The following EXOC4 variants were observed in gnomAD, a reference collection of about 807,000 sequenced individuals.
The protein encoded by EXOC4 is SEC8-like 1.
EXOC4 carries 71 observed loss-of-function variants against 107.2 expected under a neutral mutation model. The ratio of observed to expected loss-of-function variants is 0.66; its 90% CI spans 0.55 to 0.81. The LOEUF (loss-of-function observed/expected upper bound fraction) is 0.81. Among genes scored for constraint, EXOC4 ranks in the 30% least tolerant of loss-of-function variants. The pLI is 0.00. For synonymous variants in EXOC4, 456 were observed against 441.2 expected (o/e 1.03, Z -0.42); for missense variants, 1,108 against 1,189.6 (o/e 0.93, Z 1.01).
intron 3 of EXOC4, among the ~76,000 whole-genome samples, chr7:133,298,746 C>T (rs1294776459): frequency 6.6e-6 from 1 of 152,044 alleles, no homozygotes; most frequent in African/African-American, 2.4e-5. Context: ...GCATCAGAAC[C>T]CCTAGAACTA....
intron 11 of EXOC4, among the ~76,000 whole-genome samples, chr7:133,837,009 TA>T (rs1274236109): frequency 1.3e-5 from 2 of 152,180 alleles, no homozygotes; most frequent in African/African-American, 2.4e-5. Context: ...TCCCACCTTT[TA>T]AAGATTTAAT....
At position 133,824,806 on chromosome 7, in the gene EXOC4, A is replaced by G. The variant is rs114094110; in HGVS notation, c.1734+7262A>G. 8.5e-3 allele frequency among the ~76,000 whole-genome samples: 1,294 copies of G among 152,056 alleles called. 17 individuals are homozygous for G. Among genetic ancestry groups the G allele is most frequent in the African/African-American group, 0.03 (1,234 of 41,490 alleles). On this transcript the variant is annotated intron_variant, in intron 11 of 17. Coordinates refer to ENST00000253861, the MANE Select transcript of EXOC4 (RefSeq NM_021807.4). ...CGTGGCGTTCTCCCGTGTGTCTCCTATGTTTTCTTTTCTGGCTCTTGTAAG... is the reference window on the plus strand; with the variant it reads ...CGTGGCGTTCTCCCGTGTGTCTCCTGTGTTTTCTTTTCTGGCTCTTGTAAG...
intron 13 of EXOC4, among the ~76,000 whole-genome samples, chr7:133,928,972 G>A (rs1413647238): frequency 9.0e-6 from 1 of 111,040 alleles, no homozygotes; most frequent in South Asian, 3.2e-4. Flanking sequence ...TCCATCTGTC[G>A]CCCAGGCTGG....
chr7:133,458,505 G>A (rs1211402655), intron 7 of EXOC4, among the ~76,000 whole-genome samples: 3 of 152,194 alleles, frequency 2.0e-5, no homozygotes, highest in Non-Finnish European at 4.4e-5. Flanking sequence ...TTTCTCCTGA[G>A]TCACATAAAT....
At chr7:133,733,754 T>A (rs1422346741) in intron 10 of EXOC4, among the ~76,000 whole-genome samples, 1 of 152,206 alleles carries the variant, frequency 6.6e-6, no homozygotes, top group Non-Finnish European at 1.5e-5. Context: ...CACGTCTAGG[T>A]GTCACTCTTT....
In EXOC4 at chr7:133,284,911, G is replaced by A. The variant is rs116342106; in HGVS notation, c.277-4011G>A. 3.4e-3 allele frequency among the ~76,000 whole-genome samples: 515 copies of A among 152,106 alleles called. 5 individuals are homozygous for A. The highest frequency in any genetic ancestry group is 0.012 in the African/African-American group (481 of 41,492). On this transcript the variant is annotated intron_variant, in intron 2 of 17. Transcript: ENST00000253861. Reference sequence around the variant, plus strand: ...GGACTCTCCTACCTCATCCTACCCCGGTCCCAGTTCCAACATCTCAGAGAT... The same window carrying A: ...GGACTCTCCTACCTCATCCTACCCCAGTCCCAGTTCCAACATCTCAGAGAT...
At chr7:133,592,800 A>G (rs1469869451) in intron 9 of EXOC4, among the ~76,000 whole-genome samples, 1 of 152,110 alleles carries the variant, frequency 6.6e-6, no homozygotes, top group African/African-American at 2.4e-5. Flanking sequence ...ACGGGGTTTC[A>G]CCATGTTAGC....
chr7:133,293,892 C>T (rs1398783236), intron 3 of EXOC4, among the ~76,000 whole-genome samples: 7 of 152,228 alleles, frequency 4.6e-5, no homozygotes, highest in Admixed American at 1.3e-4. Flanking sequence ...GTGATATGTA[C>T]GGTTTAAATT....
intron 14 of EXOC4, among the ~76,000 whole-genome samples, chr7:133,950,150 C>A: frequency 6.6e-6 from 1 of 152,084 alleles, no homozygotes; most frequent in East Asian, 1.9e-4. Flanking sequence ...AGAGTATTAT[C>A]AGAACTATTA....
the EXOC4 span, among the ~76,000 whole-genome samples, chr7:134,088,946 A>G: frequency 2.0e-5 from 3 of 152,292 alleles, no homozygotes; most frequent in East Asian, 1.9e-4. Flanking sequence ...TACTATTACC[A>G]TTAAACCCAA....
intron 17 of EXOC4, among the ~76,000 whole-genome samples, chr7:134,055,887 C>A (rs1448949009): frequency 6.6e-6 from 1 of 152,150 alleles, no homozygotes. Context: ...CTTTCTATAT[C>A]ATATTAACAT....
chr7:133,493,883 G>A (rs1799422852), intron 9 of EXOC4, among the ~76,000 whole-genome samples: 2 of 152,182 alleles, frequency 1.3e-5, no homozygotes, highest in Admixed American at 1.3e-4. Context: ...TAATGGCCAT[G>A]ATGAACGTGG....
At chr7:133,448,930 C>A (rs1182378792) in intron 7 of EXOC4, among the ~76,000 whole-genome samples, 1 of 151,990 alleles carries the variant, frequency 6.6e-6, no homozygotes, top group East Asian at 1.9e-4. Flanking sequence ...CATGGTGAAA[C>A]CCCATCTCTA....
rs1328790452 is a variant in EXOC4 at position 133,303,767 on chromosome 7, A to G, written c.472-2110A>G. 2.0e-5 allele frequency among the ~76,000 whole-genome samples: 3 copies of G among 152,198 alleles called. No individual in the cohort carries two copies. In the East Asian group the frequency reaches 5.8e-4, roughly 29 times the overall value. ...TTATCTTGTATTTTGGGTCAAGGAAATATATTCAAAGTTTGTCATTTAAAC... is the reference window on the plus strand; with the variant it reads ...TTATCTTGTATTTTGGGTCAAGGAAGTATATTCAAAGTTTGTCATTTAAAC... On this transcript the variant is annotated intron_variant, in intron 3 of 17. Coordinates refer to ENST00000253861, the MANE Select transcript of EXOC4 (RefSeq NM_021807.4).
intron 9 of EXOC4, among the ~76,000 whole-genome samples, chr7:133,565,319 G>C (rs1800886920): frequency 6.6e-6 from 1 of 152,122 alleles, no homozygotes; most frequent in African/African-American, 2.4e-5. Flanking sequence ...AATAATTATA[G>C]TCTCCTCATG....
intron 9 of EXOC4, among the ~76,000 whole-genome samples, chr7:133,566,905 A>T (rs763684888): frequency 2.6e-5 from 4 of 152,196 alleles, no homozygotes; most frequent in Non-Finnish European, 5.9e-5. Context: ...GGTTCAGAAT[A>T]TCTCAAACAA....
At chr7:133,765,757 G>A (rs530637648) in intron 10 of EXOC4, among the ~76,000 whole-genome samples, 1 of 151,894 alleles carries the variant, frequency 6.6e-6, no homozygotes, top group Non-Finnish European at 1.5e-5. Context: ...TCTTTCCTCA[G>A]TGTTAAATAA....
chr7:133,665,539 G>C (rs987377082), intron 10 of EXOC4, among the ~76,000 whole-genome samples: 3 of 152,096 alleles, frequency 2.0e-5, no homozygotes, highest in African/African-American at 4.8e-5. Context: ...ATGAACTATT[G>C]AATGATCTGA....
intron 9 of EXOC4, among the ~76,000 whole-genome samples, chr7:133,613,141 C>G (rs1320252338): frequency 6.6e-6 from 1 of 152,004 alleles, no homozygotes; most frequent in African/African-American, 2.4e-5. Context: ...TGATATTAGT[C>G]TATTTTTATC....
Sources: gnomAD v4.1 joint callset for allele counts (sites outside exome capture counted in the v4.1 genomes callset) on GRCh38, gnomAD v4.1.1 for gene constraint, MANE v1.5 for transcripts, NCBI Gene and HGNC (gene_info 2026-07-23, HGNC 2026-07-21) for gene names.